The following COG8 variants were observed in gnomAD, a reference collection of about 807,000 sequenced individuals.
COG8 encodes component of oligomeric golgi complex 8.
COG8 carries 45 observed loss-of-function variants against 46.5 expected under a neutral mutation model. The ratio of observed to expected loss-of-function variants is 0.97; its 90% CI spans 0.76 to 1.24. The LOEUF (loss-of-function observed/expected upper bound fraction) is 1.24, where lower values mean the gene tolerates loss of function less well. Ranked by LOEUF, COG8 falls within the 50% of genes most tolerant of loss-of-function variation. COG8 has a pLI of 0.00. For missense variants in COG8, 793 were observed against 820.8 expected (o/e 0.97, Z 0.41); for synonymous variants, 407 against 347.8 (o/e 1.17, Z -1.90).
Position 69,334,829 on chromosome 16 carries a change from G to A in COG8, c.1105C>T (p.Pro369Ser). The change falls in exon 3 of 6, where the codon CCT becomes TCT. Residue 369 changes from proline (P) to serine (S), a missense_variant. Transcript: ENST00000306875. ...CTGATGGCCACCCGCTGGAAAACAG[G>A]AGCCAACTGACCCCGGAAATCAGCT... ...VGADFRGQLA[P>S]VFQRVAISTF... is the part of the protein sequence containing the mutation. 6.2e-7 allele frequency: 1 copy of A among 1,614,148 alleles called. No individual in the cohort carries two copies. The highest frequency in any genetic ancestry group is 1.1e-5 in the South Asian group (1 of 91,082).
rs185591591 is a variant in COG8 at position 69,329,336 on chromosome 16, C to T, written c.*27-157G>A. Among the ~76,000 whole-genome samples, 850 of 152,344 alleles carry T rather than the reference C, an allele frequency of 5.6e-3. 5 individuals carry two copies. The highest frequency in any genetic ancestry group is 9.2e-3 in the Non-Finnish European group (626 of 68,034). ...AGCTCCTCTTCTAACTGGAAAACGT[C>T]CCTCATCTCGGTCCATTACCAAGCG... On this transcript the variant is annotated intron_variant, in intron 5 of 5. Coordinates refer to ENST00000306875, the MANE Select transcript of COG8 (RefSeq NM_032382.5).
chr16:69,330,072 T>G (rs747715409), intron 5 of COG8: 2 of 1,563,576 alleles, frequency 1.3e-6, no homozygotes, highest in South Asian at 2.3e-5. Flanking sequence ...TCGGGAAAGG[T>G]GACCAGGCGG....
chr16:69,332,585 G>A (rs2011946926), intron 4 of COG8, 129 bp downstream of exon 4: 4 of 935,004 alleles, frequency 4.3e-6, no homozygotes, highest in Non-Finnish European at 6.9e-6. Context: ...GGATCTTTTT[G>A]GAGTGATGGA....
chr16:69,329,326 T>C (rs1965706638), intron 5 of COG8, 147 bp from the exon 6 acceptor site: 1 of 839,370 alleles, frequency 1.2e-6, no homozygotes, highest in East Asian at 3.1e-5. Context: ...CTCTTCTAAC[T>C]GGAAAACGTC....
At chr16:69,337,393 A>G (rs1368907236) in intron 1 of COG8, among the ~76,000 whole-genome samples, 1 of 152,234 alleles carries the variant, frequency 6.6e-6, no homozygotes, top group African/African-American at 2.4e-5. Flanking sequence ...CGAATGCGTC[A>G]AAGTAAAAAT....
intron 5 of COG8, 53 bp downstream of exon 5, chr16:69,330,760 G>T: frequency 6.9e-7 from 1 of 1,457,928 alleles, no homozygotes; most frequent in African/African-American, 1.4e-5. Flanking sequence ...ACCCGCCCCG[G>T]ACCTTCCAGG....
intron 5 of COG8, chr16:69,330,197 A>T (rs1597220137): frequency 2.0e-6 from 3 of 1,468,666 alleles, no homozygotes; most frequent in Non-Finnish European, 2.7e-6. Flanking sequence ...GGGGAGCTCC[A>T]GCGCCAGCAC....
intron 3 of COG8, among the ~76,000 whole-genome samples, chr16:69,333,367 T>G (rs1328975118): frequency 6.6e-6 from 1 of 152,070 alleles, no homozygotes; most frequent in Non-Finnish European, 1.5e-5. Context: ...AGGGTCTTGC[T>G]TTGTTGCCCA....
rs890271209 is a variant in COG8 at position 69,332,716 on chromosome 16, A to C, written c.1580T>G (p.Leu527Ter). 24 of 1,613,586 alleles carry C rather than the reference A, an allele frequency of 1.5e-5. No homozygotes were observed. Among genetic ancestry groups the C allele is most frequent in the Non-Finnish European group, 2.0e-5 (24 of 1,179,446 alleles). Residue 527 changes from leucine to a stop codon, truncating the protein, a stop_gained and splice_region_variant, in exon 4 of 6, where the codon TTA becomes TGA. Coordinates refer to ENST00000306875, the MANE Select transcript of COG8 (RefSeq NM_032382.5). LOFTEE classifies it high-confidence loss of function. The part of the protein sequence containing the change: ...LFPPAQIAQT[L>*]GIPPTQLSKY... Reference sequence around the variant, plus strand: ...TTACAGAATTTTCATTCTCTTACCTAAAGTCTGTGCTATCTGAGCTGGTGG... The same window carrying C: ...TTACAGAATTTTCATTCTCTTACCTCAAGTCTGTGCTATCTGAGCTGGTGG...
intron 4 of COG8, chr16:69,332,453 C>T (rs996415658): frequency 8.3e-6 from 5 of 604,042 alleles, no homozygotes; most frequent in Non-Finnish European, 1.5e-5. Flanking sequence ...TAGCCAGATA[C>T]AGCCACATAA....
intron 2 of COG8, 25 bp from the exon 3 acceptor site, chr16:69,335,373 A>T: frequency 6.5e-7 from 1 of 1,548,904 alleles, no homozygotes; most frequent in Non-Finnish European, 8.7e-7. Context: ...AGAGAGTCAC[A>T]CTGCGCTGGG....
chr16:69,329,187 G>C lies in COG8; in HGVS notation c.*27-8C>G, dbSNP rs768372605. The C allele has an allele frequency of 2.5e-6, 4 of 1,585,510 alleles. No homozygotes were observed. The African/African-American group carries it at 4.1e-5, about 16-fold the overall frequency. ...CTCCATTGGGGTCCAGCCCTGCAAAGGAAGTTACAGCCCTGGTGAGTGGGA... is the reference window on the plus strand; with the variant it reads ...CTCCATTGGGGTCCAGCCCTGCAAACGAAGTTACAGCCCTGGTGAGTGGGA... On this transcript the variant is annotated splice_region_variant and splice_polypyrimidine_tract_variant and intron_variant, in intron 5 of 5. Coordinates refer to ENST00000306875, the MANE Select transcript of COG8 (RefSeq NM_032382.5).
At chr16:69,337,900 T>C (rs979652804) in intron 1 of COG8, among the ~76,000 whole-genome samples, 2 of 152,138 alleles carry the variant, frequency 1.3e-5, no homozygotes, top group African/African-American at 4.8e-5. Context: ...CACGCCCAGC[T>C]AATTGTATTT....
In COG8 at chr16:69,326,643, G is replaced by C. The variant is rs1335789999; in HGVS notation, c.*2563C>G. The stretch of plus-strand genomic sequence containing the variant: ...ACCAGCAACAGGAACCACTGACGCT[G>C]AACTTTGGACAGTGGCCTCAGACTC... On this transcript the variant is annotated 3_prime_UTR_variant, in exon 6 of 6. Coordinates refer to ENST00000306875, the MANE Select transcript of COG8 (RefSeq NM_032382.5). 1 of 152,226 alleles carries C rather than the reference G, an allele frequency of 6.6e-6. No homozygotes were observed. The highest frequency in any genetic ancestry group is 2.4e-5 in the African/African-American group (1 of 41,452). 9.4% of individuals were successfully genotyped at this position (152,226 alleles called of 1,614,324 possible). A position where few individuals can be genotyped will look rare whatever the true frequency, so the allele number is the denominator to read the frequency against.
chr16:69,339,465 G>C lies in COG8; in HGVS notation c.88C>G (p.Leu30Val). ...GCCTCGGGGAAGCGGTCCCGGAACA[G>C]CGACGCCAGGAGCCCTTCATCCTCC... is the stretch of plus-strand genomic sequence containing the variant. The part of the protein sequence containing the change: ...EVEDEGLLAS[L>V]FRDRFPEAQW... The change falls in exon 1 of 6, where the codon CTG becomes GTG. Residue 30 changes from leucine (L) to valine (V), a missense_variant. Physicochemically the swap from Leu to Val is conservative, Grantham distance 32 (BLOSUM62 1). Transcript: ENST00000306875. 1.2e-6 allele frequency: 2 copies of C among 1,600,382 alleles called. No homozygotes were observed. Among genetic ancestry groups the C allele is most frequent in the East Asian group, 2.2e-5 (1 of 44,652 alleles).
rs2143352192 is a variant in COG8 at position 69,335,265 on chromosome 16, A to G, written c.669T>C (p.Pro223=). 6.2e-7 allele frequency: 1 copy of G among 1,613,616 alleles called. No homozygotes were observed. Among genetic ancestry groups the G allele is most frequent in the Non-Finnish European group, 8.5e-7 (1 of 1,179,914 alleles). ...IQQLRTNIQL[P]ACLRVIGYLR... ...GGTAGCCAATGACACGGAGGCAGGCAGGAAGCTGGATGTTGGTCCTCAGTT... is the reference window on the plus strand; with the variant it reads ...GGTAGCCAATGACACGGAGGCAGGCGGGAAGCTGGATGTTGGTCCTCAGTT... The change falls in exon 3 of 6, where the codon CCT becomes CCC. Residue 223 remains proline, a synonymous_variant. Transcript: ENST00000306875.
chr16:69,327,741 G>A lies in COG8; in HGVS notation c.*1465C>T, dbSNP rs1362780189. 2 of 152,060 alleles carry A rather than the reference G, an allele frequency of 1.3e-5. No individual in the cohort carries two copies. The highest frequency in any genetic ancestry group is 2.9e-5 in the Non-Finnish European group (2 of 68,032). 9.4% of individuals were successfully genotyped at this position (152,060 alleles called of 1,614,324 possible). ...ACTAAAACTGGAGTTTGGCTGGGTA[G>A]TGTGGCTCACAACTGATCCCAGCAC... On this transcript the variant is annotated 3_prime_UTR_variant, in exon 6 of 6. Coordinates refer to ENST00000306875, the MANE Select transcript of COG8 (RefSeq NM_032382.5).
intron 5 of COG8, chr16:69,330,126 G>C (rs1306213295): frequency 6.3e-7 from 1 of 1,576,678 alleles, no homozygotes; most frequent in Non-Finnish European, 8.6e-7. Context: ...ACGCGCAGGG[G>C]GAAGGGCTCC....
Position 69,327,333 on chromosome 16 carries a change from A to G in COG8, c.*1873T>C, listed in dbSNP as rs2143287334. On this transcript the variant is annotated 3_prime_UTR_variant, in exon 6 of 6. Coordinates refer to ENST00000306875, the MANE Select transcript of COG8 (RefSeq NM_032382.5). ...CAGGCGCCTACCAGCACACCCAGCT[A>G]ATTTTCATATTTTTAGTAGAAACAG... 1 of 152,116 alleles carries G rather than the reference A, an allele frequency of 6.6e-6. No homozygotes were observed. The highest frequency in any genetic ancestry group is 2.1e-4 in the South Asian group (1 of 4,830). The allele number at this position is 152,116 out of a possible 1,614,324, so 9.4% of individuals were successfully genotyped here.
Sources: allele counts gnomAD v4.1 joint callset (sites outside exome capture counted in the v4.1 genomes callset), GRCh38; gene constraint gnomAD v4.1.1; transcripts MANE v1.5; gene names NCBI Gene and HGNC (gene_info 2026-07-23, HGNC 2026-07-21).